CCSER1: variants seen among roughly 807,000 people sequenced by gnomAD.
The protein encoded by CCSER1 is serine-rich coiled-coil domain-containing protein 1.
In CCSER1, 41 loss-of-function variants were observed where a neutral mutation model predicts 82.0. The ratio of observed to expected loss-of-function variants is 0.50; its 90% confidence interval spans 0.39 to 0.65. The LOEUF (loss-of-function observed/expected upper bound fraction) is 0.65, where lower values mean the gene tolerates loss of function less well. CCSER1 is among the 30% of genes least tolerant of loss of function. The probability of loss-of-function intolerance (pLI) is 0.00; values close to 1 mark genes in which losing one functional copy is unlikely to be tolerated. For synonymous variants in CCSER1, 414 were observed against 383.9 expected (o/e 1.08, Z -0.92); for missense variants, 1,119 against 1,064.2 (o/e 1.05, Z -0.72).
intron 5 of CCSER1, among the ~76,000 whole-genome samples, chr4:90,575,003 T>C (rs1323176122): frequency 6.7e-6 from 1 of 150,036 alleles, no homozygotes; most frequent in Non-Finnish European, 1.5e-5. Context: ...TTCTCTCAAA[T>C]TGTTATCTAC....
chr4:90,322,457 T>C (rs928822794), intron 3 of CCSER1, among the ~76,000 whole-genome samples: 14 of 152,238 alleles, frequency 9.2e-5, no homozygotes, highest in Non-Finnish European at 1.9e-4. Context: ...GTTTTGGCTA[T>C]TCTGGGTATT....
intron 1 of CCSER1, among the ~76,000 whole-genome samples, chr4:90,159,369 A>G (rs1296107474): frequency 2.0e-5 from 3 of 152,232 alleles, no homozygotes; most frequent in Non-Finnish European, 2.9e-5. Context: ...ATAAAAAAAT[A>G]TATTGCAGTT....
intron 6 of CCSER1, among the ~76,000 whole-genome samples, chr4:90,638,800 C>T (rs1377956373): frequency 1.3e-5 from 2 of 152,110 alleles, no homozygotes; most frequent in East Asian, 1.9e-4. Context: ...AAAGTCTTTC[C>T]TAACCCCAAC....
intron 8 of CCSER1, among the ~76,000 whole-genome samples, chr4:90,906,330 T>G (rs1157772811): frequency 2.0e-5 from 3 of 152,132 alleles, no homozygotes; most frequent in Non-Finnish European, 2.9e-5. Context: ...GTATACAGTT[T>G]GTCTGGTGAA....
At chr4:91,202,683 G>A (rs930550429) in intron 10 of CCSER1, among the ~76,000 whole-genome samples, 11 of 43,158 alleles carry the variant, frequency 2.5e-4, no homozygotes, top group African/African-American at 7.9e-4. Context: ...GTCACTGTCC[G>A]TAGACCAAGA....
At chr4:90,524,108 C>T (rs1773461163) in intron 5 of CCSER1, among the ~76,000 whole-genome samples, 1 of 152,036 alleles carries the variant, frequency 6.6e-6, no homozygotes, top group Non-Finnish European at 1.5e-5. Context: ...CAGGCTGGGA[C>T]AAAATTGGGG....
At chr4:90,713,182 A>T (rs1219948891) in intron 6 of CCSER1, among the ~76,000 whole-genome samples, 1 of 152,042 alleles carries the variant, frequency 6.6e-6, no homozygotes, top group Non-Finnish European at 1.5e-5. Context: ...TGATCCCGTC[A>T]TAATGATGCT....
intron 10 of CCSER1, among the ~76,000 whole-genome samples, chr4:91,433,960 A>G (rs1366774906): frequency 6.6e-6 from 1 of 152,204 alleles, no homozygotes; most frequent in Non-Finnish European, 1.5e-5. Context: ...GCAAATAATC[A>G]TAGTATAGGT....
chr4:90,606,413 A>C (rs1269033833), intron 5 of CCSER1, among the ~76,000 whole-genome samples: 1 of 152,208 alleles, frequency 6.6e-6, no homozygotes, highest in East Asian at 1.9e-4. Context: ...AAGATAATGC[A>C]TTGTGCCAAG....
In CCSER1 at chr4:90,271,858, ATATATTTTTTTTTTT is replaced by A. The variant is rs1416075695; in HGVS notation, c.-41-36384_-41-36370del. Among the ~76,000 whole-genome samples, 130 of 24,300 alleles carry A rather than the reference ATATATTTTTTTTTTT, an allele frequency of 5.3e-3. 1 individual carries two copies. The East Asian group carries it at 0.11, about 21-fold the overall frequency. 15.9% of individuals were successfully genotyped at this position (24,300 alleles called of 152,430 possible). A position where few individuals can be genotyped will look rare whatever the true frequency, so the allele number is the denominator to read the frequency against. On this transcript the variant is annotated intron_variant, in intron 1 of 10. Transcript: ENST00000509176. ...TATATATATATATATATATATATAT[ATATATTTTTTTTTTT>A]TTTTTTTTTTTTTTTTTAAAAGGAG...
At chr4:91,312,540 C>G (rs1000026896) in intron 10 of CCSER1, among the ~76,000 whole-genome samples, 3 of 151,588 alleles carry the variant, frequency 2.0e-5, no homozygotes, top group African/African-American at 4.8e-5. Context: ...TTTCAAATAC[C>G]ATAAAAATGA....
intron 10 of CCSER1, among the ~76,000 whole-genome samples, chr4:91,431,151 G>A (rs1413135487): frequency 1.3e-5 from 2 of 152,060 alleles, no homozygotes; most frequent in Admixed American, 1.3e-4. Context: ...CAGGAGAATG[G>A]CGTGAACCCG....
At chr4:91,382,465 T>C (rs1412506538) in intron 10 of CCSER1, among the ~76,000 whole-genome samples, 6 of 152,174 alleles carry the variant, frequency 3.9e-5, no homozygotes, top group Non-Finnish European at 5.9e-5. Flanking sequence ...ACTACTGTGC[T>C]AGCAATGAGT....
intron 10 of CCSER1, among the ~76,000 whole-genome samples, chr4:91,193,288 G>T (rs1056024503): frequency 6.6e-6 from 1 of 152,156 alleles, no homozygotes; most frequent in African/African-American, 2.4e-5. Context: ...TTGGTTCCAT[G>T]GTAACTAAAT....
intron 3 of CCSER1, among the ~76,000 whole-genome samples, chr4:90,316,144 G>A (rs1408376206): frequency 6.6e-6 from 1 of 152,148 alleles, no homozygotes; most frequent in Non-Finnish European, 1.5e-5. Flanking sequence ...CCTCACAACA[G>A]TACTATCAAC....
chr4:91,502,543 A>C (rs139303331), intron 10 of CCSER1, among the ~76,000 whole-genome samples: 1 of 152,234 alleles, frequency 6.6e-6, no homozygotes, highest in East Asian at 1.9e-4. Flanking sequence ...CCTATGAAGT[A>C]CTCCATTACC....
At chr4:90,485,874 G>T (rs762454917) in intron 5 of CCSER1, among the ~76,000 whole-genome samples, 1 of 151,994 alleles carries the variant, frequency 6.6e-6, no homozygotes, top group Non-Finnish European at 1.5e-5. Flanking sequence ...CAAAAGACAT[G>T]ATGTTTTTAT....
intron 1 of CCSER1, among the ~76,000 whole-genome samples, chr4:90,133,917 T>G (rs940055692): frequency 2.0e-5 from 3 of 152,190 alleles, no homozygotes; most frequent in Non-Finnish European, 4.4e-5. Context: ...TTTGCCTTCA[T>G]TCTGAGAATG....
At chr4:90,522,798 A>AT (rs927066769) in intron 5 of CCSER1, among the ~76,000 whole-genome samples, 1 of 152,098 alleles carries the variant, frequency 6.6e-6, no homozygotes. Flanking sequence ...ATAAGAAAAT[A>AT]TTTTTTGTTG....
Sources: gnomAD v4.1 joint callset for allele counts (sites outside exome capture counted in the v4.1 genomes callset) on GRCh38, gnomAD v4.1.1 for gene constraint, MANE v1.5 for transcripts, NCBI Gene and HGNC (gene_info 2026-07-23, HGNC 2026-07-21) for gene names.